NFYA: variants seen among roughly 807,000 people sequenced by gnomAD.
NFYA encodes CAAT-box DNA binding protein subunit A.
NFYA carries 28 observed loss-of-function variants against 52.8 expected under a neutral mutation model. The observed-to-expected ratio is 0.53, with a 90% CI of 0.39 to 0.73. NFYA has a LOEUF of 0.73. Ranked by LOEUF, NFYA falls within the 30% of genes least tolerant of loss-of-function variation. NFYA has a pLI of 0.00. For synonymous variants in NFYA, 150 were observed against 150.7 expected (o/e 1.00, Z 0.03); for missense variants, 234 against 427.0 (o/e 0.55, Z 3.98).
chr6:41,097,277 TGGG>T (rs1436581445), intron 9 of NFYA, 77 bp from the exon 10 acceptor site: 111 of 1,295,954 alleles, frequency 8.6e-5, no homozygotes, highest in Non-Finnish European at 1.2e-4. Flanking sequence ...TGTATTCTCT[TGGG>T]GGGATAAGTA....
intron 1 of NFYA, among the ~76,000 whole-genome samples, chr6:41,074,479 T>C (rs1025170010): frequency 4.6e-5 from 7 of 152,218 alleles, no homozygotes; most frequent in African/African-American, 1.7e-4. Context: ...ATGCGTGAGC[T>C]AGCCTCCGTG....
chr6:41,087,016 G>T (rs1479299745), intron 4 of NFYA, among the ~76,000 whole-genome samples: 1 of 151,940 alleles, frequency 6.6e-6, no homozygotes, highest in East Asian at 1.9e-4. Context: ...AGTAAACAAG[G>T]TGAAAACTTG....
rs763215312 is a variant in NFYA at position 41,080,871 on chromosome 6, G to T, written c.136G>T (p.Gly46Cys). The T allele has an allele frequency of 6.2e-7, 1 of 1,614,018 alleles. No homozygotes were observed. The highest frequency in any genetic ancestry group is 1.1e-5 in the South Asian group (1 of 91,074). ...QTEAQVASAS[G>C]QQVQTLQVVQ... ...TGAGGCCCAGGTGGCATCCGCCTCA[G>T]GCCAGCAAGTCCAGACCCTCCAGGT... The change falls in exon 3 of 10, where the codon GGC becomes TGC. Residue 46 changes from glycine (G) to cysteine (C), a missense_variant. Transcript: ENST00000341376.
intron 8 of NFYA, 91 bp from the exon 9 acceptor site, chr6:41,094,305 C>G: frequency 8.9e-7 from 1 of 1,117,928 alleles, no homozygotes; most frequent in Admixed American, 2.0e-5. Flanking sequence ...TCCCAGCTGT[C>G]TTAAACTTTG....
chr6:41,092,838 G>T, intron 7 of NFYA, 74 bp from the exon 8 acceptor site: 1 of 1,480,322 alleles, frequency 6.8e-7, no homozygotes, highest in Non-Finnish European at 9.1e-7. Flanking sequence ...AAAAATGGAT[G>T]AAGAGGAACC....
chr6:41,090,360 C>A, intron 6 of NFYA, 51 bp downstream of exon 6: 2 of 1,158,948 alleles, frequency 1.7e-6, no homozygotes, highest in South Asian at 2.5e-5. Flanking sequence ...ACTTTTTTGT[C>A]CCTTAGACAA....
At chr6:41,079,570 T>G (rs1157312284) in intron 2 of NFYA, among the ~76,000 whole-genome samples, 1 of 152,188 alleles carries the variant, frequency 6.6e-6, no homozygotes, top group Non-Finnish European at 1.5e-5. Flanking sequence ...TCTGCCACAT[T>G]TTTTATTCAG....
chr6:41,098,907 T>C lies in NFYA; in HGVS notation c.*1497T>C, dbSNP rs545721145. On this transcript the variant is annotated 3_prime_UTR_variant, in exon 10 of 10. Transcript: ENST00000341376. ...GAACTAAGATGATATTTCAGAAGAG[T>C]TGGCTGCCTTCTCTGGAAACAAGGA... 1.3e-5 allele frequency: 2 copies of C among 152,496 alleles called. No homozygotes were observed. The highest frequency in any genetic ancestry group is 6.6e-5 in the Admixed American group (1 of 15,264). 9.4% of individuals were successfully genotyped at this position (152,496 alleles called of 1,614,324 possible).
At chr6:41,078,893 C>T (rs1431214933) in intron 1 of NFYA, 136 bp from the exon 2 acceptor site, 1 of 508,672 alleles carries the variant, frequency 2.0e-6, no homozygotes, top group East Asian at 2.9e-5. Context: ...AAAAATGATA[C>T]TGAATATAAG....
chr6:41,082,095 A>G (rs958224309), intron 3 of NFYA, among the ~76,000 whole-genome samples: 1 of 152,244 alleles, frequency 6.6e-6, no homozygotes, highest in Non-Finnish European at 1.5e-5. Flanking sequence ...TCTAGAATGT[A>G]GAACTGGCAT....
chr6:41,092,782 T>A, intron 7 of NFYA, 130 bp from the exon 8 acceptor site: 1 of 826,848 alleles, frequency 1.2e-6, no homozygotes, highest in Non-Finnish European at 1.9e-6. Flanking sequence ...GGGATCCGCA[T>A]TTACCCAAGT....
intron 1 of NFYA, among the ~76,000 whole-genome samples, chr6:41,073,433 A>G (rs1763598771): frequency 6.6e-6 from 1 of 151,876 alleles, no homozygotes; most frequent in African/African-American, 2.4e-5. Context: ...GAATGGCCCT[A>G]CACTAGGGGA....
At chr6:41,086,031 A>C (rs969141405) in intron 4 of NFYA, among the ~76,000 whole-genome samples, 1 of 152,240 alleles carries the variant, frequency 6.6e-6, no homozygotes, top group African/African-American at 2.4e-5. Context: ...CTTTGCATAA[A>C]TATATGAGGC....
chr6:41,094,236 G>A (rs776951733), intron 8 of NFYA, among the ~76,000 whole-genome samples, 160 bp from the exon 9 acceptor site: 49 of 152,206 alleles, frequency 3.2e-4, no homozygotes, highest in Non-Finnish European at 6.3e-4. Flanking sequence ...TACTTACTAG[G>A]TGTTTTCTCC....
chr6:41,079,288 T>C (rs1763841772), intron 2 of NFYA, 124 bp downstream of exon 2: 1 of 851,378 alleles, frequency 1.2e-6, no homozygotes, highest in Admixed American at 2.1e-5. Flanking sequence ...ATATTGGGTC[T>C]GATGGCTTGT....
In NFYA at chr6:41,079,051, G is replaced by A. The variant is rs533078534; in HGVS notation, c.-39G>A. On this transcript the variant is annotated 5_prime_UTR_variant, in exon 2 of 10. Coordinates refer to ENST00000341376, the MANE Select transcript of NFYA (RefSeq NM_002505.5). ...CAGGAGTGTACCTCACAGCCTTCTA[G>A]GATCTCCAGAGTGGACAGGAATCTC... is the stretch of plus-strand genomic sequence containing the variant. 6.2e-7 allele frequency: 1 copy of A among 1,600,674 alleles called. No individual in the cohort carries two copies. The highest frequency in any genetic ancestry group is 8.6e-7 in the Non-Finnish European group (1 of 1,168,606).
At chr6:41,076,280 C>T (rs946327040) in intron 1 of NFYA, among the ~76,000 whole-genome samples, 4 of 152,124 alleles carry the variant, frequency 2.6e-5, no homozygotes, top group African/African-American at 9.7e-5. Flanking sequence ...CAAAGTGCAT[C>T]TTGTGTTGTA....
intron 4 of NFYA, 59 bp from the exon 5 acceptor site, chr6:41,089,520 G>A (rs1475183149): frequency 1.4e-6 from 2 of 1,464,774 alleles, no homozygotes; most frequent in Non-Finnish European, 1.8e-6. Context: ...TAACTCTCGG[G>A]GACCAAAGGA....
rs1764394545 is a variant in NFYA, at chr6:41,097,476, C to CT, written c.*68dup. ...CACTGTTCCAGGAAATTGATCAACTCTTCCAATGGGACATTGATGATCACA... is the reference window on the plus strand; with the variant it reads ...CACTGTTCCAGGAAATTGATCAACTCTTTCCAATGGGACATTGATGATCACA... On this transcript the variant is annotated 3_prime_UTR_variant, in exon 10 of 10. Coordinates refer to ENST00000341376, the MANE Select transcript of NFYA (RefSeq NM_002505.5). 6.6e-7 allele frequency: 1 copy of CT among 1,516,982 alleles called. No homozygotes were observed. The highest frequency in any genetic ancestry group is 1.7e-5 in the Admixed American group (1 of 59,208). 94.0% of individuals were successfully genotyped at this position (1,516,982 alleles called of 1,614,324 possible).
Sources: gnomAD v4.1 joint callset for allele counts (sites outside exome capture counted in the v4.1 genomes callset) on GRCh38, gnomAD v4.1.1 for gene constraint, MANE v1.5 for transcripts, NCBI Gene and HGNC (gene_info 2026-07-23, HGNC 2026-07-21) for gene names.